The following EXOC3L4 variants were observed in gnomAD, a reference collection of about 807,000 sequenced individuals.
The protein encoded by EXOC3L4 is exocyst complex component 3-like protein 4.
EXOC3L4 carries 62 observed loss-of-function variants against 69.7 expected under a neutral mutation model. The observed-to-expected ratio is 0.89, with a 90% CI of 0.72 to 1.10. The LOEUF is 1.10. EXOC3L4 is among the 50% of genes least tolerant of loss of function. EXOC3L4 has a pLI of 0.00. For missense variants in EXOC3L4, 1,087 were observed against 1,034.8 expected (o/e 1.05, Z -0.69); for synonymous variants, 502 against 464.2 (o/e 1.08, Z -1.05).
At position 103,102,074 on chromosome 14, in the gene EXOC3L4, C is replaced by G. The variant is rs747845957; in HGVS notation, c.395-44C>G. 9.7e-6 allele frequency: 15 copies of G among 1,551,608 alleles called. No homozygotes were observed. The African/African-American group carries it at 1.8e-4, about 18-fold the overall frequency. Reference sequence around the variant, plus strand: ...TGCAGGTCTTCGTCCAGGTTCGGGTCTTGGGGCGGTCCCTCTCACCGCCCT... The same window carrying G: ...TGCAGGTCTTCGTCCAGGTTCGGGTGTTGGGGCGGTCCCTCTCACCGCCCT... On this transcript the variant is annotated intron_variant, in intron 2 of 11. Transcript: ENST00000688303.
At chr14:103,103,229 C>A (rs1414444115) in intron 3 of EXOC3L4, among the ~76,000 whole-genome samples, 1 of 151,962 alleles carries the variant, frequency 6.6e-6, no homozygotes, top group Non-Finnish European at 1.5e-5. Flanking sequence ...GTGGCACGCA[C>A]CTGTAATCTC....
At position 103,108,447 on chromosome 14, in the gene EXOC3L4, C is replaced by G. The variant is rs762312566; in HGVS notation, c.1906C>G (p.Leu636Val). The change falls in exon 11 of 12, where the codon CTG (leucine) becomes GTG (valine). Residue 636 changes from leucine (L) to valine (V), a missense_variant. Coordinates refer to ENST00000688303, the MANE Select transcript of EXOC3L4 (RefSeq NM_001077594.2). ...AGCCATCCAGTGCGTGGCTGAGATC[C>G]TGGGCGAGACCTACAAAGATGACAT... ...DQAIQCVAEILGETYKDDIQR... is the reference protein window; with the variant it reads ...DQAIQCVAEIVGETYKDDIQR... The G allele has an allele frequency of 1.9e-6, 3 of 1,613,870 alleles. No homozygotes were observed. Among genetic ancestry groups the G allele is most frequent in the African/African-American group, 1.3e-5 (1 of 74,966 alleles).
rs544292874 is a variant in EXOC3L4, at chr14:103,110,131, G to A, written c.2077G>A (p.Gly693Arg). ...TCAAGACCTGCTGAGAGCTGCGGCC[G>A]GGGCGGCGGGTGCGGAGGCCCCTCG... ...HTQDLLRAAA[G>R]AAGAEAPRGR... The change falls in exon 12 of 12, where the codon GGG becomes AGG. Residue 693 changes from glycine to arginine, a missense_variant. Transcript: ENST00000688303. 1.7e-4 allele frequency: 261 copies of A among 1,554,068 alleles called. 1 individual carries two copies. The highest frequency in any genetic ancestry group is 1.7e-3 in the Middle Eastern group (10 of 5,978).
intron 11 of EXOC3L4, 69 bp from the exon 12 acceptor site, chr14:103,109,962 C>T (rs1027675321): frequency 5.5e-5 from 81 of 1,465,688 alleles, no homozygotes; most frequent in Non-Finnish European, 6.6e-5. Flanking sequence ...CCCGTGGGTT[C>T]GCCTCATGCT....
intron 7 of EXOC3L4, 92 bp downstream of exon 7, chr14:103,105,164 G>A: frequency 5.3e-6 from 7 of 1,310,648 alleles, no homozygotes; most frequent in Non-Finnish European, 7.4e-6. Flanking sequence ...GCGCGCGCGT[G>A]GAGGGGGCAG....
chr14:103,100,449 G>A lies in EXOC3L4; in HGVS notation c.230G>A (p.Arg77Gln), dbSNP rs61730321. ...QVSKEDTGLF[R>Q]RSSCSLFRSF... is the part of the protein sequence containing the mutation. Reference sequence around the variant, plus strand: ...TCCAAGGAAGATACGGGCCTGTTCCGGCGAAGCTCCTGCTCCCTGTTCCGG... The same window carrying A: ...TCCAAGGAAGATACGGGCCTGTTCCAGCGAAGCTCCTGCTCCCTGTTCCGG... Residue 77 changes from arginine (R) to glutamine (Q), a missense_variant, in exon 2 of 12, where the codon CGG becomes CAG. By Grantham distance (43) the Arg-to-Gln change is conservative. Coordinates refer to ENST00000688303, the MANE Select transcript of EXOC3L4 (RefSeq NM_001077594.2). 3.5e-4 allele frequency: 558 copies of A among 1,613,352 alleles called. 9 individuals are homozygous for A. In the African/African-American group the frequency reaches 6.0e-3, roughly 17 times the overall value.
intron 3 of EXOC3L4, 144 bp from the exon 4 acceptor site, chr14:103,103,797 C>CGGGTGTGTGTGT: frequency 4.6e-6 from 2 of 432,430 alleles, no homozygotes; most frequent in Non-Finnish European, 4.0e-6. Context: ...GGCGCGCGCG[C>CGGGTGTGTGTGT]GTGTGTGTGT....
chr14:103,099,050 G>A (rs536401522), intron 1 of EXOC3L4, among the ~76,000 whole-genome samples: 13 of 152,190 alleles, frequency 8.5e-5, no homozygotes, highest in Non-Finnish European at 1.5e-4. Context: ...CTTCCTGCCC[G>A]ATGTCACCCA....
At chr14:103,105,138 C>T (rs1330673584) in intron 7 of EXOC3L4, 66 bp downstream of exon 7, 2 of 1,530,818 alleles carry the variant, frequency 1.3e-6, no homozygotes, top group East Asian at 2.3e-5. Context: ...CGCCGGGAAC[C>T]TGGATGGAGG....
intron 11 of EXOC3L4, 146 bp downstream of exon 11, chr14:103,108,663 A>C: frequency 8.9e-7 from 1 of 1,121,428 alleles, no homozygotes; most frequent in Non-Finnish European, 1.3e-6. Context: ...TCAGACCCTC[A>C]AGGCTGGAGG....
chr14:103,108,666 G>C (rs371928931), intron 11 of EXOC3L4, 149 bp downstream of exon 11: 6 of 1,099,662 alleles, frequency 5.5e-6, no homozygotes, highest in South Asian at 4.6e-5. Flanking sequence ...GACCCTCAAG[G>C]CTGGAGGGGG....
chr14:103,100,759 G>C (rs1890144312), intron 2 of EXOC3L4, 146 bp downstream of exon 2: 1 of 1,142,986 alleles, frequency 8.7e-7, no homozygotes, highest in Admixed American at 2.9e-5. Flanking sequence ...ATTTGAGACA[G>C]GGTCTCCACT....
chr14:103,103,883 G>C, intron 3 of EXOC3L4, 58 bp from the exon 4 acceptor site: 1 of 1,227,918 alleles, frequency 8.1e-7, no homozygotes, highest in South Asian at 1.4e-5. Flanking sequence ...CCAGAAGAGG[G>C]GCAGCGGCTG....
chr14:103,110,467 G>A lies in EXOC3L4; in HGVS notation c.*244G>A, dbSNP rs759519570. ...GAGCTCTCAATGCTGCCTATCGGGC[G>A]GGGGGGGGCCTCCCGCCCGACTGTC... On this transcript the variant is annotated 3_prime_UTR_variant, in exon 12 of 12. Coordinates refer to ENST00000688303, the MANE Select transcript of EXOC3L4 (RefSeq NM_001077594.2). 5.3e-5 allele frequency: 5 copies of A among 94,622 alleles called. No individual in the cohort carries two copies. Among genetic ancestry groups the A allele is most frequent in the South Asian group, 8.5e-5 (1 of 11,826 alleles). The allele number at this position is 94,622 out of a possible 1,614,324, so 5.9% of individuals were successfully genotyped here.
chr14:103,104,767 C>G lies in EXOC3L4; in HGVS notation c.1314C>G (p.Gly438=). 2 of 1,521,924 alleles carry G rather than the reference C, an allele frequency of 1.3e-6. No individual in the cohort carries two copies. Among genetic ancestry groups the G allele is most frequent in the Non-Finnish European group, 1.8e-6 (2 of 1,133,180 alleles). The allele number at this position is 1,521,924 out of a possible 1,614,324, so 94.3% of individuals were successfully genotyped here. ...TGGCCGAGCACGTGAAGGCGGCCGG[C>G]GCCATCTCCGCGGAGCTGGAGGCCA... The part of the protein sequence containing the change: ...MLVAEHVKAA[G]AISAELEATT... The change falls in exon 6 of 12, where the codon GGC becomes GGG. Residue 438 remains glycine (G), a synonymous_variant. Coordinates refer to ENST00000688303, the MANE Select transcript of EXOC3L4 (RefSeq NM_001077594.2).
rs1889951804 is a variant in EXOC3L4 at position 103,097,571 on chromosome 14, C to T, written c.-16-2633C>T. Among the ~76,000 whole-genome samples the T allele has an allele frequency of 6.6e-6, 1 of 152,098 alleles. No individual in the cohort carries two copies. The highest frequency in any genetic ancestry group is 1.5e-5 in the Non-Finnish European group (1 of 68,010). ...GGGGGTGGCAGGGCGACCCTGATAC[C>T]GATGTTCCGCCTGCTTCCAGGCTGT... On this transcript the variant is annotated intron_variant, in intron 1 of 11. Transcript: ENST00000688303. This position sits in a 1 kb window ranked among gnomAD's most constrained non-coding sequence, Gnocchi z 4.9.
intron 2 of EXOC3L4, among the ~76,000 whole-genome samples, chr14:103,101,492 A>G (rs182807377): frequency 6.6e-6 from 1 of 152,320 alleles, no homozygotes; most frequent in Admixed American, 6.5e-5. Flanking sequence ...GAACCCAGAT[A>G]TGCATGGCCC....
rs74083815 is a variant in EXOC3L4 at position 103,107,067 on chromosome 14, G to A, written c.1581+168G>A. Among the ~76,000 whole-genome samples, 780 of 152,282 alleles carry A rather than the reference G, an allele frequency of 5.1e-3. 7 individuals carry two copies. The highest frequency in any genetic ancestry group is 0.018 in the African/African-American group (751 of 41,556). The stretch of plus-strand genomic sequence containing the variant: ...CCAGGTGAGGTCCCAGCTGAGCAGG[G>A]GCGGCTGGGAGACGCCTGCCTTCTC... On this transcript the variant is annotated intron_variant, in intron 8 of 11. Transcript: ENST00000688303.
In EXOC3L4 at chr14:103,102,456, T is replaced by A. The variant is rs753418981; in HGVS notation, c.733T>A (p.Trp245Arg). The A allele has an allele frequency of 1.5e-5, 22 of 1,472,576 alleles. 1 individual carries two copies. The South Asian group carries it at 2.1e-4, about 14-fold the overall frequency. 91.2% of individuals were successfully genotyped at this position (1,472,576 alleles called of 1,614,324 possible). A position where few individuals can be genotyped will look rare whatever the true frequency, so the allele number is the denominator to read the frequency against. The change falls in exon 3 of 12, where the codon TGG (tryptophan) becomes AGG (arginine). Residue 245 changes from tryptophan (W) to arginine (R), a missense_variant. Transcript: ENST00000688303. Reference protein sequence around the residue: ...LRTPRRWRQHWEEAVRRSAQE... With the variant: ...LRTPRRWRQHREEAVRRSAQE... Reference sequence around the variant, plus strand: ...CACGCCGCGCCGCTGGCGCCAGCACTGGGAGGAGGCGGTGCGGCGAAGCGC... The same window carrying A: ...CACGCCGCGCCGCTGGCGCCAGCACAGGGAGGAGGCGGTGCGGCGAAGCGC...
Sources: allele counts gnomAD v4.1 joint callset (sites outside exome capture counted in the v4.1 genomes callset), GRCh38; gene constraint gnomAD v4.1.1; non-coding constraint Gnocchi (gnomAD v3.1); transcripts MANE v1.5; gene names NCBI Gene and HGNC (gene_info 2026-07-23, HGNC 2026-07-21).